TBL1X: variants seen among roughly 807,000 people sequenced by gnomAD.
The protein encoded by TBL1X is F-box-like/WD repeat-containing protein TBL1X.
A neutral mutation model predicts 50.7 loss-of-function variants in TBL1X; 10 were observed. The observed-to-expected ratio is 0.20, with a 90% CI of 0.12 to 0.33. TBL1X has a LOEUF of 0.33. Among genes scored for constraint, TBL1X ranks in the 10% least tolerant of loss-of-function variants. TBL1X has a pLI of 1.00. For missense variants in TBL1X, 340 were observed against 504.4 expected, an observed-to-expected ratio of 0.67 and a Z score of 3.12; for synonymous variants, 190 against 214.7, an observed-to-expected ratio of 0.88 and a Z score of 1.01.
intron 5 of TBL1X, among the ~76,000 whole-genome samples, chrX:9,680,326 A>G (rs12852625): frequency 2.7e-5 from 3 of 112,300 alleles, no homozygotes; most frequent in East Asian, 5.6e-4. Flanking sequence ...TGACATCCTT[A>G]TTGTTCCAAC....
intron 2 of TBL1X, among the ~76,000 whole-genome samples, chrX:9,539,526 A>C (rs1270359251): frequency 9.0e-6 from 1 of 111,689 alleles, no homozygotes; most frequent in Non-Finnish European, 1.9e-5. Flanking sequence ...AGTTCTACTT[A>C]TTCTTTGACG....
chrX:9,691,759 A>T lies in TBL1X; in HGVS notation c.749+48A>T, dbSNP rs1179591633. 3 of 1,192,080 alleles carry T rather than the reference A, an allele frequency of 2.5e-6. No homozygotes were observed. The African/African-American group carries it at 5.3e-5, about 21-fold the overall frequency. On this transcript the variant is annotated intron_variant, in intron 8 of 17. Coordinates refer to ENST00000645353, the MANE Select transcript of TBL1X (RefSeq NM_005647.4). Reference sequence around the variant, plus strand: ...CGCTCCAGAGTTGGGGAGATGGGAGATGCAAGCTGCTCGCCCTTCTCTGGA... The same window carrying T: ...CGCTCCAGAGTTGGGGAGATGGGAGTTGCAAGCTGCTCGCCCTTCTCTGGA...
intron 1 of TBL1X, among the ~76,000 whole-genome samples, chrX:9,471,345 T>C (rs370481887): frequency 8.9e-6 from 1 of 112,232 alleles, no homozygotes. Context: ...CCTGTGCATG[T>C]CCTACCGTGT....
intron 5 of TBL1X, among the ~76,000 whole-genome samples, chrX:9,665,540 A>ATATATATATATAT (rs1569091686): frequency 3.0e-5 from 1 of 32,949 alleles, no homozygotes; most frequent in African/African-American, 1.1e-4. Flanking sequence ...TATATATATA[A>ATATATATATATAT]AAGGCCTTGG....
chrX:9,594,109 A>T (rs1467769627), intron 2 of TBL1X, among the ~76,000 whole-genome samples: 1 of 112,793 alleles, frequency 8.9e-6, no homozygotes, highest in African/African-American at 3.2e-5. Context: ...ATTTGAGGAA[A>T]TGCATTTCTT....
At chrX:9,656,799 T>C (rs1004593268) in intron 5 of TBL1X, among the ~76,000 whole-genome samples, 3 of 112,471 alleles carry the variant, frequency 2.7e-5, no homozygotes, top group Non-Finnish European at 3.8e-5. Flanking sequence ...AAATACTTAA[T>C]GTTGAAATGT....
At chrX:9,469,473 G>C (rs755606497) in intron 1 of TBL1X, among the ~76,000 whole-genome samples, 116 of 112,517 alleles carry the variant, frequency 1.0e-3, no homozygotes, top group African/African-American at 3.6e-3. Flanking sequence ...AGCCTAACAT[G>C]CTTATAGTTT....
In TBL1X at chrX:9,711,634, G is replaced by A. The variant is rs1228341473; in HGVS notation, c.1463G>A (p.Arg488Gln). ...AGTGCTTCGTTTGATTCTACGGTGCGACTGTGGGACATAGAACGAGGCGTC... is the reference window on the plus strand; with the variant it reads ...AGTGCTTCGTTTGATTCTACGGTGCAACTGTGGGACATAGAACGAGGCGTC... The part of the protein sequence containing the change: ...LASASFDSTV[R>Q]LWDIERGVCT... Residue 488 changes from arginine to glutamine, a missense_variant, in exon 16 of 18, where the codon CGA (arginine) becomes CAA (glutamine). Arg to Gln is a conservative substitution (Grantham distance 43). Around this residue, in one of 6 missense-constraint regions of TBL1X, gnomAD observed 170 missense variants for 272.6 expected, o/e 0.62. Coordinates refer to ENST00000645353, the MANE Select transcript of TBL1X (RefSeq NM_005647.4). The A allele has an allele frequency of 2.5e-6, 3 of 1,199,742 alleles. No homozygotes were observed. The highest frequency in any genetic ancestry group is 1.8e-5 in the African/African-American group (1 of 56,871).
At chrX:9,711,894 C>CG (rs1175127852) in intron 16 of TBL1X, 118 bp downstream of exon 16, 3 of 814,544 alleles carry the variant, frequency 3.7e-6, no homozygotes, top group Middle Eastern at 4.8e-4. Flanking sequence ...TCAGGCTCCC[C>CG]GGGCAGACCC....
intron 2 of TBL1X, among the ~76,000 whole-genome samples, chrX:9,568,989 G>T (rs934365454): frequency 3.7e-5 from 4 of 109,271 alleles, no homozygotes; most frequent in Non-Finnish European, 7.6e-5. Flanking sequence ...GCTCTGTGCG[G>T]TGTGCTGTGT....
chrX:9,631,864 C>T (rs1447897159), intron 2 of TBL1X, among the ~76,000 whole-genome samples: 4 of 112,829 alleles, frequency 3.5e-5, no homozygotes, highest in African/African-American at 1.3e-4. Context: ...CATGGACTCC[C>T]TTCAGTCTGT....
intron 12 of TBL1X, among the ~76,000 whole-genome samples, chrX:9,698,999 G>A (rs2083152217): frequency 9.0e-6 from 1 of 110,920 alleles, no homozygotes; most frequent in Admixed American, 9.6e-5. Flanking sequence ...TGTTTGTTTG[G>A]AGACAGAGTT....
At chrX:9,645,602 T>G (rs916805166) in intron 3 of TBL1X, among the ~76,000 whole-genome samples, 1 of 112,030 alleles carries the variant, frequency 8.9e-6, no homozygotes, top group Non-Finnish European at 1.9e-5. Flanking sequence ...AATAATTCTT[T>G]GATTATATTT....
At chrX:9,484,046 AT>A (rs2081897558) in intron 1 of TBL1X, among the ~76,000 whole-genome samples, 1 of 112,025 alleles carries the variant, frequency 8.9e-6, no homozygotes, top group Non-Finnish European at 1.9e-5. Context: ...GTTTACATAC[AT>A]TTTTTAGAGA....
chrX:9,599,046 C>T (rs886090583), intron 2 of TBL1X, among the ~76,000 whole-genome samples: 3 of 109,758 alleles, frequency 2.7e-5, no homozygotes, highest in Non-Finnish European at 5.7e-5. Context: ...TGGGTTCAAG[C>T]GATTCTTCTG....
intron 13 of TBL1X, among the ~76,000 whole-genome samples, chrX:9,708,956 A>G (rs755182562): frequency 7.1e-5 from 8 of 112,348 alleles, no homozygotes; most frequent in Admixed American, 3.8e-4. Flanking sequence ...GTTTTATGGT[A>G]TGTGATTTCT....
chrX:9,557,490 T>G (rs1303897865), intron 2 of TBL1X, among the ~76,000 whole-genome samples: 2 of 110,662 alleles, frequency 1.8e-5, no homozygotes, highest in African/African-American at 6.6e-5. Flanking sequence ...CTGAGGCGAC[T>G]GGACTGGCGT....
intron 2 of TBL1X, among the ~76,000 whole-genome samples, chrX:9,535,483 T>C (rs1234648032): frequency 8.9e-6 from 1 of 112,306 alleles, no homozygotes; most frequent in Non-Finnish European, 1.9e-5. Context: ...AGGTCTCCCC[T>C]GCATACCTGA....
upstream of TBL1X, chrX:9,465,056 G>C (rs2081761330): frequency 9.2e-6 from 1 of 108,733 alleles, no homozygotes; most frequent in South Asian, 3.1e-4. Flanking sequence ...GCTGGGGTCC[G>C]CGCGCTCGCG....
Sources: gnomAD v4.1 joint callset for allele counts (sites outside exome capture counted in the v4.1 genomes callset) on GRCh38, gnomAD v4.1.1 for gene constraint, gnomAD v4.1.1 regional missense constraint, MANE v1.5 for transcripts, NCBI Gene and HGNC (gene_info 2026-07-23, HGNC 2026-07-21) for gene names.